Variants in POLR1C observed in about 807,000 individuals in gnomAD.
The protein encoded by POLR1C is DNA-directed RNA polymerases I and III subunit RPAC1.
In POLR1C, 42 loss-of-function variants were observed where a neutral mutation model predicts 38.3. The ratio of observed to expected loss-of-function variants is 1.10; its 90% CI spans 0.86 to 1.42. The LOEUF is 1.42. POLR1C is among the 40% of genes most tolerant of loss of function. The pLI is 0.00. For synonymous variants in POLR1C, 163 were observed against 163.9 expected, an observed-to-expected ratio of 0.99 and a Z score of 0.04; for missense variants, 507 against 450.5, an observed-to-expected ratio of 1.13 and a Z score of -1.14.
intron 9 of POLR1C, among the ~76,000 whole-genome samples, chr6:43,544,447 GATAATC>G (rs1238826086): frequency 6.6e-6 from 1 of 152,112 alleles, no homozygotes; most frequent in African/African-American, 2.4e-5. Context: ...TATAAAAAAA[GATAATC>G]ATACTGTTGT....
At position 43,520,661 on chromosome 6, in the gene POLR1C, C is replaced by G; in HGVS notation, c.692C>G (p.Ala231Gly). Reference sequence around the variant, plus strand: ...GCCAAGTTTTCACCAGTGGCAACAGCCAGTTACAGGCTCCTGCCAGACATC... The same window carrying G: ...GCCAAGTTTTCACCAGTGGCAACAGGCAGTTACAGGCTCCTGCCAGACATC... ...DHAKFSPVATASYRLLPDITL... is the reference protein window; with the variant it reads ...DHAKFSPVATGSYRLLPDITL... The change falls in exon 7 of 9, where the codon GCC becomes GGC. Residue 231 changes from alanine to glycine, a missense_variant. Ala to Gly is a moderately conservative substitution (Grantham distance 60). Coordinates refer to ENST00000642195, the MANE Select transcript of POLR1C (RefSeq NM_203290.4). The G allele has an allele frequency of 6.2e-7, 1 of 1,614,148 alleles. No homozygotes were observed. The highest frequency in any genetic ancestry group is 8.5e-7 in the Non-Finnish European group (1 of 1,179,990).
At chr6:43,560,372 G>C in intron 10 of POLR1C, 1 of 1,477,474 alleles carries the variant, frequency 6.8e-7, no homozygotes, top group Non-Finnish European at 9.0e-7. Context: ...TTACTTAGCA[G>C]TTATCAACTA....
chr6:43,530,929 C>A, downstream of POLR1C: 1 of 1,383,038 alleles, frequency 7.2e-7, no homozygotes, highest in Non-Finnish European at 9.6e-7. Context: ...GGTTTTTCAG[C>A]CAGAAGAGCA....
At chr6:43,538,010 G>A (rs1052585602) in intron 9 of POLR1C, among the ~76,000 whole-genome samples, 7 of 149,742 alleles carry the variant, frequency 4.7e-5, no homozygotes, top group African/African-American at 1.5e-4. Flanking sequence ...GCTTGATCCC[G>A]GGAGGCGGAG....
At chr6:43,522,598 A>G (rs1386676777), downstream of POLR1C, 1 of 369,728 alleles carries the variant, frequency 2.7e-6, no homozygotes, top group Non-Finnish European at 6.0e-6. Context: ...AGGGAGCAAC[A>G]CAAGACTCCC....
At chr6:43,556,715 T>C (rs565236355) in intron 10 of POLR1C, among the ~76,000 whole-genome samples, 5 of 152,262 alleles carry the variant, frequency 3.3e-5, no homozygotes, top group South Asian at 2.1e-4. Flanking sequence ...AAACCTTGTA[T>C]ATAAATGTTC....
rs1317316494 is a variant in POLR1C, at chr6:43,547,666, G to A, written c.*5-3302G>A. On this transcript the variant is annotated intron_variant, in intron 9 of 10. Coordinates refer to the POLR1C transcript ENST00000607635. The stretch of plus-strand genomic sequence containing the variant: ...GCCTGGGTCACAGCTCTTCTGATCT[G>A]TACCCACATACGCAATGAAAGCATC... The A allele has an allele frequency of 5.0e-6, 8 of 1,613,864 alleles. No homozygotes were observed. The South Asian group carries it at 6.6e-5, about 13-fold the overall frequency.
rs1402799266 is a variant in POLR1C, at chr6:43,520,729, A to G, written c.760A>G (p.Ser254Gly). 2 of 1,614,122 alleles carry G rather than the reference A, an allele frequency of 1.2e-6. No individual in the cohort carries two copies. Among genetic ancestry groups the G allele is most frequent in the Non-Finnish European group, 8.5e-7 (1 of 1,180,002 alleles). Residue 254 changes from serine to glycine, a missense_variant, in exon 7 of 9, where the codon AGC (serine) becomes GGC (glycine). Transcript: ENST00000642195. ...GGAAGGGGAGGCAGCTGAGGAGTTG[A>G]GCAGGTGCTTCTCACCTGGTGTTAT... Reference protein sequence around the residue: ...PVEGEAAEELSRCFSPGVIEV... With the variant: ...PVEGEAAEELGRCFSPGVIEV...
chr6:43,531,589 C>T (rs115820004), downstream of POLR1C: 289 of 1,604,640 alleles, frequency 1.8e-4, 5 homozygotes, highest in South Asian at 2.6e-3. Flanking sequence ...CAGGGAAATA[C>T]GGGTCAAGAA....
intron 9 of POLR1C, chr6:43,548,320 C>T: frequency 4.3e-6 from 7 of 1,613,570 alleles, no homozygotes; most frequent in Non-Finnish European, 5.9e-6. Context: ...CCTCTAGGAA[C>T]ACCTTCTGAC....
intron 9 of POLR1C, among the ~76,000 whole-genome samples, chr6:43,544,711 G>A (rs1794880584): frequency 6.6e-6 from 1 of 152,084 alleles, no homozygotes; most frequent in Admixed American, 6.5e-5. Flanking sequence ...TCAGCTGTCC[G>A]AGACCAGCCT....
chr6:43,557,894 G>A (rs775667163), intron 10 of POLR1C, among the ~76,000 whole-genome samples: 2 of 150,954 alleles, frequency 1.3e-5, no homozygotes, highest in African/African-American at 2.4e-5. Context: ...TCGGGAGTTC[G>A]AGACCAGCCT....
Position 43,560,157 on chromosome 6 carries a change from G to A in POLR1C, c.*49-1243G>A, listed in dbSNP as rs764588285. ...ATGTGTATTCACCTACATTCCACAT[G>A]TTTAGATTCCCATTATATACCTTGA... On this transcript the variant is annotated intron_variant, in intron 10 of 10. Coordinates refer to the POLR1C transcript ENST00000607635. 10 of 1,609,688 alleles carry A rather than the reference G, an allele frequency of 6.2e-6. No individual in the cohort carries two copies. In the African/African-American group the frequency reaches 9.4e-5, roughly 15 times the overall value.
intron 10 of POLR1C, chr6:43,553,510 AACACACACACACACATACAC>A (rs1795354527): frequency 1.3e-6 from 2 of 1,503,524 alleles, no homozygotes; most frequent in East Asian, 2.6e-5. Flanking sequence ...CAAGCTTTAA[AACACACACACACACATACAC>A]ACACACACAC....
chr6:43,539,237 A>T, intron 9 of POLR1C: 20 of 1,294,522 alleles, frequency 1.5e-5, no homozygotes, highest in Non-Finnish European at 2.2e-5. Context: ...CTTGGCCAGG[A>T]TGATGGCCCC....
At position 43,528,743 on chromosome 6, in the gene POLR1C, C is replaced by A. The variant is rs1296244873; in HGVS notation, c.923-506C>A. On this transcript the variant is annotated intron_variant, in intron 8 of 8. Transcript: ENST00000304004. ...CTGGCAGGGCTAGTAGACAACACTT[C>A]TAGGAGCTCCTGACTTGCAAAGCTC... 4 of 1,314,886 alleles carry A rather than the reference C, an allele frequency of 3.0e-6. No individual in the cohort carries two copies. In the African/African-American group the frequency reaches 4.4e-5, roughly 14 times the overall value. 81.5% of individuals were successfully genotyped at this position (1,314,886 alleles called of 1,614,324 possible). A position where few individuals can be genotyped will look rare whatever the true frequency, so the allele number is the denominator to read the frequency against.
intron 9 of POLR1C, chr6:43,546,886 G>C: frequency 1.1e-6 from 1 of 885,742 alleles, no homozygotes; most frequent in Non-Finnish European, 1.7e-6. Flanking sequence ...TCTGCTCCCC[G>C]GCAATCCCCC....
intron 10 of POLR1C, chr6:43,560,914 TA>T: frequency 6.2e-7 from 1 of 1,611,566 alleles, no homozygotes; most frequent in Non-Finnish European, 8.5e-7. Context: ...GTTACCTGTA[TA>T]AAGTTTACCT....
chr6:43,549,282 C>T (rs185749371), intron 9 of POLR1C, among the ~76,000 whole-genome samples: 1 of 152,158 alleles, frequency 6.6e-6, no homozygotes, highest in African/African-American at 2.4e-5. Context: ...CAGGCTGGTC[C>T]CGAACCCCTG....
Sources: allele counts gnomAD v4.1 joint callset (sites outside exome capture counted in the v4.1 genomes callset), GRCh38; gene constraint gnomAD v4.1.1; transcripts MANE v1.5; gene names NCBI Gene and HGNC (gene_info 2026-07-23, HGNC 2026-07-21).